Variants in SWT1 observed in about 807,000 individuals in gnomAD.
SWT1 encodes SWT1 RNA endoribonuclease homolog, also known as transcriptional protein SWT1.
A neutral mutation model predicts 107.3 loss-of-function variants in SWT1; 33 were observed. The ratio of observed to expected loss-of-function variants is 0.31; its 90% CI spans 0.23 to 0.41. The LOEUF (loss-of-function observed/expected upper bound fraction) is 0.41. Among genes scored for constraint, SWT1 ranks in the 10% least tolerant of loss-of-function variants. The pLI is 1.00. For missense variants in SWT1, 898 were observed against 1,028.9 expected (o/e 0.87, Z 1.74); for synonymous variants, 345 against 348.3 (o/e 0.99, Z 0.11).
At chr1:185,230,718 T>A (rs906760710) in intron 15 of SWT1, among the ~76,000 whole-genome samples, 2 of 151,594 alleles carry the variant, frequency 1.3e-5, no homozygotes, top group African/African-American at 4.9e-5. Flanking sequence ...ATCATTTTAA[T>A]AGTTTGGTGT....
chr1:185,258,845 A>C (rs58292874), intron 16 of SWT1, among the ~76,000 whole-genome samples: 5,972 of 152,120 alleles, frequency 0.039, 288 homozygotes, highest in African/African-American at 0.096. Flanking sequence ...GTCTGAAGAC[A>C]TATCTTCAGT....
intron 7 of SWT1, 28 bp from the exon 8 acceptor site, chr1:185,184,215 T>G: frequency 1.7e-6 from 2 of 1,168,606 alleles, no homozygotes; most frequent in Non-Finnish European, 2.5e-6. Flanking sequence ...TTATCAAGTG[T>G]CATGAAATAT....
At chr1:185,211,410 A>G (rs948433036) in intron 13 of SWT1, among the ~76,000 whole-genome samples, 1 of 152,016 alleles carries the variant, frequency 6.6e-6, no homozygotes, top group Non-Finnish European at 1.5e-5. Context: ...CCATCCAAAT[A>G]TCTATTTTTA....
chr1:185,188,501 C>G (rs911468791), intron 9 of SWT1, among the ~76,000 whole-genome samples: 7 of 152,140 alleles, frequency 4.6e-5, no homozygotes, highest in Non-Finnish European at 2.9e-5. Flanking sequence ...GTCATCTGAT[C>G]AAGAAATTTA....
At chr1:185,171,708 C>A in intron 4 of SWT1, 2 of 480,766 alleles carry the variant, frequency 4.2e-6, no homozygotes, top group Non-Finnish European at 4.1e-6. Context: ...TCATGGATGC[C>A]ATGGTGGCAG....
intron 15 of SWT1, 133 bp downstream of exon 15, chr1:185,222,169 T>TC: frequency 5.5e-6 from 3 of 542,828 alleles, no homozygotes; most frequent in Non-Finnish European, 8.7e-6. Flanking sequence ...CAAATCAGGC[T>TC]AGTGAGCCTG....
chr1:185,173,530 C>CAAAAAAAA (rs869052260), intron 4 of SWT1, among the ~76,000 whole-genome samples: 6 of 96,558 alleles, frequency 6.2e-5, no homozygotes, highest in Admixed American at 2.4e-4. Flanking sequence ...CTGTCTCTAC[C>CAAAAAAAA]AAAAAAAAAA....
Position 185,273,542 on chromosome 1 carries a change from A to T in SWT1, c.2508+2153A>T, listed in dbSNP as rs180856501. Among the ~76,000 whole-genome samples the T allele has an allele frequency of 4.3e-3, 659 of 151,944 alleles. 3 individuals are homozygous for T. The highest frequency in any genetic ancestry group is 0.014 in the Middle Eastern group (4 of 294). ...ATAGTGAAACCCCGTCTCTACTAAA[A>T]ATACAAAAAAATTAGCCGGGTATGG... On this transcript the variant is annotated intron_variant, in intron 17 of 18. Coordinates refer to ENST00000367500, the MANE Select transcript of SWT1 (RefSeq NM_017673.7).
At chr1:185,160,797 C>T in intron 1 of SWT1, 36 bp from the exon 2 acceptor site, 1 of 1,489,396 alleles carries the variant, frequency 6.7e-7, no homozygotes, top group Non-Finnish European at 9.2e-7. Flanking sequence ...TTTTTGAGTG[C>T]AAAAACAAAT....
At chr1:185,220,284 CACTT>C (rs1284498422) in intron 14 of SWT1, among the ~76,000 whole-genome samples, 3 of 148,230 alleles carry the variant, frequency 2.0e-5, no homozygotes, top group South Asian at 2.1e-4. Context: ...CTAGAGCACT[CACTT>C]ACCTGTTAAT....
intron 13 of SWT1, among the ~76,000 whole-genome samples, chr1:185,207,696 GT>G (rs1373220320): frequency 6.6e-6 from 1 of 152,138 alleles, no homozygotes; most frequent in Non-Finnish European, 1.5e-5. Flanking sequence ...GACCCCAGGA[GT>G]TCAAGGCCAG....
At chr1:185,229,014 T>C (rs566669851) in intron 15 of SWT1, among the ~76,000 whole-genome samples, 1 of 152,272 alleles carries the variant, frequency 6.6e-6, no homozygotes, top group African/African-American at 2.4e-5. Flanking sequence ...CTATAAGCCA[T>C]TGTAAGAATT....
At position 185,179,975 on chromosome 1, in the gene SWT1, C is replaced by A. The variant is rs1190687847; in HGVS notation, c.967-416C>A. On this transcript the variant is annotated intron_variant, in intron 5 of 18. Coordinates refer to ENST00000367500, the MANE Select transcript of SWT1 (RefSeq NM_017673.7). ...CTGAGGCAGGTGGATCACTTGAACT[C>A]AGGATTTCGAGACCAGCCTGGGCAA... is the stretch of plus-strand genomic sequence containing the variant. 2.6e-5 allele frequency among the ~76,000 whole-genome samples: 4 copies of A among 152,168 alleles called. 1 individual carries two copies. The highest frequency in any genetic ancestry group is 1.9e-4 in the East Asian group (1 of 5,186).
intron 18 of SWT1, among the ~76,000 whole-genome samples, chr1:185,287,589 G>A (rs992894233): frequency 1.3e-5 from 2 of 152,154 alleles, no homozygotes; most frequent in Non-Finnish European, 2.9e-5. Flanking sequence ...TTACAATAGT[G>A]AGTGTCCCAT....
chr1:185,255,736 T>C (rs1313701327), intron 16 of SWT1, among the ~76,000 whole-genome samples: 1 of 147,762 alleles, frequency 6.8e-6, no homozygotes, highest in Admixed American at 6.7e-5. Context: ...CTTTATCCAA[T>C]TTGCCAGTCT....
At chr1:185,226,596 C>T (rs907269986) in intron 15 of SWT1, among the ~76,000 whole-genome samples, 4 of 152,096 alleles carry the variant, frequency 2.6e-5, no homozygotes, top group South Asian at 2.1e-4. Flanking sequence ...GTTTGTAGCT[C>T]ATCAGGTCAG....
At chr1:185,239,629 A>G (rs10494582) in intron 16 of SWT1, among the ~76,000 whole-genome samples, 1,729 of 152,172 alleles carry the variant, frequency 0.011, 61 homozygotes, top group East Asian at 0.086. Flanking sequence ...TTTTATATGT[A>G]TACAGGATTA....
chr1:185,213,104 A>G (rs1434424691), intron 13 of SWT1, among the ~76,000 whole-genome samples: 1 of 152,120 alleles, frequency 6.6e-6, no homozygotes, highest in Non-Finnish European at 1.5e-5. Context: ...TGGATTTATT[A>G]TTGTTATTAC....
chr1:185,276,153 T>G (rs1328555238), intron 17 of SWT1, among the ~76,000 whole-genome samples: 2 of 152,140 alleles, frequency 1.3e-5, no homozygotes, highest in Admixed American at 1.3e-4. Flanking sequence ...GATGAAAGAT[T>G]TTTATATTTA....
Sources: allele counts gnomAD v4.1 joint callset (sites outside exome capture counted in the v4.1 genomes callset), GRCh38; gene constraint gnomAD v4.1.1; transcripts MANE v1.5; gene names NCBI Gene and HGNC (gene_info 2026-07-23, HGNC 2026-07-21).